The following PCDHGA2 variants were observed in gnomAD, a reference collection of about 807,000 sequenced individuals.
The protein encoded by PCDHGA2 is protocadherin gamma-A2.
Under a neutral mutation model 59.2 loss-of-function variants are expected in PCDHGA2, and 40 were observed. That is an observed-to-expected ratio of 0.68 (90% CI 0.52 to 0.88). The LOEUF (loss-of-function observed/expected upper bound fraction) is 0.88. Among genes scored for constraint, PCDHGA2 ranks in the 40% least tolerant of loss-of-function variants. The pLI, the probability that PCDHGA2 is intolerant of heterozygous loss-of-function variation, is 0.00. For missense variants in PCDHGA2, 1,226 were observed against 1,204.0 expected, an observed-to-expected ratio of 1.02 and a Z score of -0.27; for synonymous variants, 560 against 526.0, an observed-to-expected ratio of 1.06 and a Z score of -0.89.
rs539901154 is a variant in PCDHGA2, at chr5:141,413,036, T to C, written c.2424+71641T>C. 238 of 805,778 alleles carry C rather than the reference T, an allele frequency of 3.0e-4. 1 individual carries two copies. Among genetic ancestry groups the C allele is most frequent in the Non-Finnish European group, 4.2e-4 (226 of 532,568 alleles). 49.9% of individuals were successfully genotyped at this position (805,778 alleles called of 1,614,324 possible). On this transcript the variant is annotated intron_variant, in intron 1 of 3. Transcript: ENST00000394576. ...TACACAAGCCCCACAAACCGGCTGC[T>C]GGGCTGCAGGGAAGCTCACTCCAGA...
intron 1 of PCDHGA2, chr5:141,371,441 G>C: frequency 1.2e-6 from 2 of 1,613,958 alleles, no homozygotes; most frequent in Non-Finnish European, 1.7e-6. Context: ...AGATAACCCT[G>C]GCTTCTGAAT....
chr5:141,432,369 A>G lies in PCDHGA2; in HGVS notation c.2425-62438A>G. 6.2e-7 allele frequency: 1 copy of G among 1,614,222 alleles called. No homozygotes were observed. The highest frequency in any genetic ancestry group is 1.1e-5 in the South Asian group (1 of 91,084). ...CAAGTGAAAGTGATGGCGCGGGACA[A>G]CGGGCACCCGCCCCTCAGCAGCAAC... On this transcript the variant is annotated intron_variant, in intron 1 of 3. Coordinates refer to ENST00000394576, the MANE Select transcript of PCDHGA2 (RefSeq NM_018915.4). The surrounding 1 kb of genome is among the most constrained non-coding windows in gnomAD (Gnocchi z 6.0).
intron 1 of PCDHGA2, among the ~76,000 whole-genome samples, chr5:141,456,733 G>A (rs1186997201): frequency 6.6e-6 from 1 of 152,182 alleles, no homozygotes; most frequent in Non-Finnish European, 1.5e-5. Context: ...GGGAGGCTGA[G>A]GCGGGAGCAT....
chr5:141,410,760 A>C, intron 1 of PCDHGA2: 1 of 1,177,482 alleles, frequency 8.5e-7, no homozygotes. Context: ...ATGTTTTTTC[A>C]ATTATAGTTT....
At chr5:141,357,209 A>C in intron 1 of PCDHGA2, 1 of 1,613,552 alleles carries the variant, frequency 6.2e-7, no homozygotes, top group South Asian at 1.1e-5. Flanking sequence ...AGCATCCCAG[A>C]TGTCCTGGCT....
chr5:141,493,179 T>C lies in PCDHGA2; in HGVS notation c.2425-1628T>C, dbSNP rs1208502829. 6.6e-6 allele frequency among the ~76,000 whole-genome samples: 1 copy of C among 152,230 alleles called. No homozygotes were observed. Among genetic ancestry groups the C allele is most frequent in the Non-Finnish European group, 1.5e-5 (1 of 68,040 alleles). On this transcript the variant is annotated intron_variant, in intron 1 of 3. Coordinates refer to ENST00000394576, the MANE Select transcript of PCDHGA2 (RefSeq NM_018915.4). This position sits in a 1 kb window ranked among gnomAD's most constrained non-coding sequence, Gnocchi z 4.3. ...TGATAGCTGATTGAGAGAAACTTAC[T>C]ATATAACTCCTTTGAGAACCTCATC...
At chr5:141,423,852 G>T (rs796757517) in intron 1 of PCDHGA2, 36 of 1,279,400 alleles carry the variant, frequency 2.8e-5, no homozygotes, top group Non-Finnish European at 3.5e-5. Context: ...CTTTCAGAAC[G>T]TTTTTGTGAA....
chr5:141,452,387 G>A (rs1052689230), intron 1 of PCDHGA2, among the ~76,000 whole-genome samples: 5 of 152,146 alleles, frequency 3.3e-5, no homozygotes, highest in African/African-American at 1.2e-4. Context: ...ATAGTATTTA[G>A]AAACTAAGAT....
chr5:141,489,597 A>T lies in PCDHGA2; in HGVS notation c.2425-5210A>T. The T allele has an allele frequency of 6.2e-7, 1 of 1,614,100 alleles. No individual in the cohort carries two copies. Among genetic ancestry groups the T allele is most frequent in the African/African-American group, 1.3e-5 (1 of 75,040 alleles). ...AACACCCCCTGGAGCTAATCCGTGT[A>T]GAGGTAGAGATCCTGGATCTCAATG... On this transcript the variant is annotated intron_variant, in intron 1 of 3. Transcript: ENST00000394576. The surrounding 1 kb of genome is among the most constrained non-coding windows in gnomAD (Gnocchi z 4.5).
In PCDHGA2 at chr5:141,340,993, C is replaced by T; in HGVS notation, c.2022C>T (p.Asp674=). Residue 674 remains aspartate (D), a synonymous_variant, in exon 1 of 4, where the codon GAC becomes GAT. Coordinates refer to ENST00000394576, the MANE Select transcript of PCDHGA2 (RefSeq NM_018915.4). ...ACAGGATCCCCGACATCCTGGCCGA[C>T]CTGGGCAGCCTCGAGCCCTCCGCCA... is the stretch of plus-strand genomic sequence containing the variant. ...VADRIPDILA[D]LGSLEPSAIP... 6.2e-7 allele frequency: 1 copy of T among 1,614,104 alleles called. No individual in the cohort carries two copies. Among genetic ancestry groups the T allele is most frequent in the Non-Finnish European group, 8.5e-7 (1 of 1,179,990 alleles).
intron 1 of PCDHGA2, chr5:141,376,561 A>C (rs780141155): frequency 4.2e-5 from 67 of 1,608,210 alleles, no homozygotes; most frequent in Non-Finnish European, 5.4e-5. Context: ...CCGCAACCCA[A>C]CTAATCAGAC....
At chr5:141,472,046 A>T (rs945911971) in intron 1 of PCDHGA2, among the ~76,000 whole-genome samples, 4 of 152,210 alleles carry the variant, frequency 2.6e-5, no homozygotes, top group Non-Finnish European at 4.4e-5. Context: ...AAAAGATTTT[A>T]AAAATGATTG....
At chr5:141,359,927 C>T in intron 1 of PCDHGA2, 2 of 456,184 alleles carry the variant, frequency 4.4e-6, no homozygotes, top group Non-Finnish European at 7.5e-6. Context: ...CTGAGAAAAC[C>T]TCTGAGCGTC....
chr5:141,366,540 C>G, intron 1 of PCDHGA2: 1 of 1,614,260 alleles, frequency 6.2e-7, no homozygotes, highest in Non-Finnish European at 8.5e-7. Flanking sequence ...GGTGTGCCCG[C>G]CTCGCACTTT....
rs376415955 is a variant in PCDHGA2, at chr5:141,432,082, C to T, written c.2425-62725C>T. ...CCACGGAAACTCATATCTCGCTGAACGTGGCAGACACCAACGACAACCCGC... is the reference window on the plus strand; with the variant it reads ...CCACGGAAACTCATATCTCGCTGAATGTGGCAGACACCAACGACAACCCGC... On this transcript the variant is annotated intron_variant, in intron 1 of 3. Transcript: ENST00000394576. This position sits in a 1 kb window ranked among gnomAD's most constrained non-coding sequence, Gnocchi z 6.0. The T allele has an allele frequency of 3.1e-6, 5 of 1,614,184 alleles. No homozygotes were observed. Among genetic ancestry groups the T allele is most frequent in the Non-Finnish European group, 4.2e-6 (5 of 1,180,028 alleles).
intron 1 of PCDHGA2, chr5:141,400,163 ACC>A (rs2093974471): frequency 6.2e-7 from 1 of 1,613,712 alleles, no homozygotes. Context: ...GTACCCTCTG[ACC>A]CCCAGGCTGA....
At chr5:141,381,743 C>T (rs9324849) in intron 1 of PCDHGA2, among the ~76,000 whole-genome samples, 4,143 of 151,894 alleles carry the variant, frequency 0.027, 183 homozygotes, top group African/African-American at 0.096. Flanking sequence ...ATTTGGATTC[C>T]GACATTGTTC....
rs780541121 is a variant in PCDHGA2 at position 141,477,533 on chromosome 5, G to A, written c.2425-17274G>A. ...TTACATTGAAGAAAACAACCTCCCCGGGGCTCCAATACTAAACCTAAGTGT... is the reference window on the plus strand; with the variant it reads ...TTACATTGAAGAAAACAACCTCCCCAGGGCTCCAATACTAAACCTAAGTGT... On this transcript the variant is annotated intron_variant, in intron 1 of 3. Coordinates refer to ENST00000394576, the MANE Select transcript of PCDHGA2 (RefSeq NM_018915.4). This position sits in a 1 kb window ranked among gnomAD's most constrained non-coding sequence, Gnocchi z 4.9. The A allele has an allele frequency of 6.2e-7, 1 of 1,614,010 alleles. No individual in the cohort carries two copies. The highest frequency in any genetic ancestry group is 1.1e-5 in the South Asian group (1 of 91,066).
intron 1 of PCDHGA2, chr5:141,378,618 ATGAC>A (rs1399279904): frequency 2.6e-5 from 4 of 152,254 alleles, no homozygotes; most frequent in African/African-American, 7.2e-5. Context: ...CTAAAAATAG[ATGAC>A]TGACTGGTGA....
Sources: gnomAD v4.1 joint callset for allele counts (sites outside exome capture counted in the v4.1 genomes callset) on GRCh38, gnomAD v4.1.1 for gene constraint, Gnocchi (gnomAD v3.1) non-coding constraint, MANE v1.5 for transcripts, NCBI Gene and HGNC (gene_info 2026-07-23, HGNC 2026-07-21) for gene names.